The following PPARGC1A variants were observed in gnomAD, a reference collection of about 807,000 sequenced individuals.
PPARGC1A encodes PPARG coactivator 1 alpha.
A neutral mutation model predicts 88.7 loss-of-function variants in PPARGC1A; 25 were observed. The ratio of observed to expected loss-of-function variants is 0.28; its 90% CI spans 0.21 to 0.39. PPARGC1A has a LOEUF of 0.39. Ranked by LOEUF, PPARGC1A falls within the 10% of genes least tolerant of loss-of-function variation. The pLI, the probability that PPARGC1A is intolerant of heterozygous loss-of-function variation, is 1.00. For synonymous variants in PPARGC1A, 363 were observed against 355.6 expected, an observed-to-expected ratio of 1.02 and a Z score of -0.24; for missense variants, 880 against 968.7, an observed-to-expected ratio of 0.91 and a Z score of 1.22.
the PPARGC1A span, among the ~76,000 whole-genome samples, chr4:24,257,937 T>TATGTAAA: frequency 6.6e-6 from 1 of 152,160 alleles, no homozygotes; most frequent in African/African-American, 2.4e-5. Flanking sequence ...TATAATAATA[T>TATGTAAA]ACAGACATAT....
the PPARGC1A span, among the ~76,000 whole-genome samples, chr4:24,376,976 C>A: frequency 6.6e-6 from 1 of 151,986 alleles, no homozygotes; most frequent in Non-Finnish European, 1.5e-5. Context: ...AACCTTTTAG[C>A]AATAAAATCG....
chr4:23,997,099 A>G, the PPARGC1A span, among the ~76,000 whole-genome samples: 554 of 152,258 alleles, frequency 3.6e-3, 3 homozygotes, highest in South Asian at 7.7e-3. Flanking sequence ...TTAAGATTTG[A>G]GTGTGCATAT....
At chr4:24,120,427 G>A in the PPARGC1A span, among the ~76,000 whole-genome samples, 2 of 152,148 alleles carry the variant, frequency 1.3e-5, no homozygotes, top group South Asian at 2.1e-4. Flanking sequence ...GTACTTATTA[G>A]GTACTGATTC....
chr4:24,189,153 A>C, the PPARGC1A span, among the ~76,000 whole-genome samples: 1 of 152,106 alleles, frequency 6.6e-6, no homozygotes, highest in Non-Finnish European at 1.5e-5. Flanking sequence ...GGTTGCAGGG[A>C]GTGGGAAATG....
chr4:24,216,528 A>G, the PPARGC1A span, among the ~76,000 whole-genome samples: 2 of 152,156 alleles, frequency 1.3e-5, no homozygotes, highest in Non-Finnish European at 2.9e-5. Context: ...GGAGGAGATA[A>G]TGAGGTTCTT....
chr4:24,162,426 T>C, the PPARGC1A span, among the ~76,000 whole-genome samples: 1 of 152,050 alleles, frequency 6.6e-6, no homozygotes, highest in Non-Finnish European at 1.5e-5. Context: ...GAGTATGTAC[T>C]CCCCTCAGCC....
At chr4:23,973,041 C>A in the PPARGC1A span, among the ~76,000 whole-genome samples, 3,188 of 152,270 alleles carry the variant, frequency 0.021, 106 homozygotes, top group African/African-American at 0.074. Flanking sequence ...CAAATCCCTG[C>A]AGGATCAGAT....
chr4:24,115,204 T>G, the PPARGC1A span, among the ~76,000 whole-genome samples: 1,264 of 152,340 alleles, frequency 8.3e-3, 21 homozygotes, highest in African/African-American at 0.028. Context: ...GAAAGAAATG[T>G]CATCCAATAA....
chr4:24,316,198 T>C, the PPARGC1A span, among the ~76,000 whole-genome samples: 3 of 152,254 alleles, frequency 2.0e-5, no homozygotes, highest in Non-Finnish European at 4.4e-5. Context: ...GCCAAAGTGA[T>C]GCTGAATTGT....
the PPARGC1A span, among the ~76,000 whole-genome samples, chr4:24,407,834 A>C: frequency 6.6e-6 from 1 of 152,288 alleles, no homozygotes; most frequent in East Asian, 1.9e-4. Flanking sequence ...ATGCTGCCTG[A>C]CACATAGTTA....
At chr4:24,050,876 T>C in the PPARGC1A span, among the ~76,000 whole-genome samples, 1 of 152,132 alleles carries the variant, frequency 6.6e-6, no homozygotes, top group African/African-American at 2.4e-5. Flanking sequence ...ATTTAGAACC[T>C]AACCTTCCCA....
chr4:23,842,613 T>G (rs1727258276), intron 2 of PPARGC1A, among the ~76,000 whole-genome samples: 1 of 152,094 alleles, frequency 6.6e-6, no homozygotes. Flanking sequence ...TGTTTTAGAA[T>G]GCTTAACAGC....
chr4:24,151,157 CA>C, the PPARGC1A span, among the ~76,000 whole-genome samples: 2 of 152,212 alleles, frequency 1.3e-5, no homozygotes, highest in African/African-American at 2.4e-5. Flanking sequence ...TCCCCTTTCA[CA>C]AATTATATGT....
At chr4:23,842,242 C>G (rs1435744248) in intron 2 of PPARGC1A, among the ~76,000 whole-genome samples, 1 of 152,106 alleles carries the variant, frequency 6.6e-6, no homozygotes, top group Non-Finnish European at 1.5e-5. Flanking sequence ...GCAAATGATT[C>G]TCACTATTTA....
the PPARGC1A span, among the ~76,000 whole-genome samples, chr4:24,369,619 C>T: frequency 6.6e-6 from 1 of 151,992 alleles, no homozygotes; most frequent in Admixed American, 6.5e-5. Flanking sequence ...AAATATAAAA[C>T]ATCAAACTCA....
chr4:24,051,403 G>T, the PPARGC1A span, among the ~76,000 whole-genome samples: 2 of 152,076 alleles, frequency 1.3e-5, no homozygotes, highest in African/African-American at 4.8e-5. Flanking sequence ...AATAATGATA[G>T]TTATTTATTG....
the PPARGC1A span, among the ~76,000 whole-genome samples, chr4:24,370,354 G>A: frequency 6.6e-6 from 1 of 152,092 alleles, no homozygotes; most frequent in Non-Finnish European, 1.5e-5. Flanking sequence ...ATGAATAATA[G>A]GTAGTAAATA....
chr4:24,414,402 C>T, the PPARGC1A span, among the ~76,000 whole-genome samples: 1 of 152,104 alleles, frequency 6.6e-6, no homozygotes, highest in Admixed American at 6.5e-5. Flanking sequence ...ATGTGTCCAG[C>T]CACCTGATAG....
At chr4:24,464,959 C>T in the PPARGC1A span, among the ~76,000 whole-genome samples, 2 of 152,192 alleles carry the variant, frequency 1.3e-5, no homozygotes, top group African/African-American at 2.4e-5. Flanking sequence ...CATAAATGCA[C>T]ATAAACCCAG....
Sources: allele counts gnomAD v4.1 joint callset (sites outside exome capture counted in the v4.1 genomes callset), GRCh38; gene constraint gnomAD v4.1.1; transcripts MANE v1.5; gene names NCBI Gene and HGNC (gene_info 2026-07-23, HGNC 2026-07-21).